PTPRG: variants seen among roughly 807,000 people sequenced by gnomAD.
PTPRG encodes receptor-type tyrosine-protein phosphatase gamma.
PTPRG carries 102 observed loss-of-function variants against 165.3 expected under a neutral mutation model. That is an observed-to-expected ratio of 0.62 (90% CI 0.53 to 0.73). The LOEUF is 0.73. PTPRG is among the 30% of genes least tolerant of loss of function. PTPRG has a pLI of 0.00. For synonymous variants in PTPRG, 675 were observed against 669.5 expected (o/e 1.01, Z -0.13); for missense variants, 1,866 against 1,861.4 (o/e 1.00, Z -0.05).
intron 2 of PTPRG, among the ~76,000 whole-genome samples, chr3:61,755,320 T>A (rs926633622): frequency 2.6e-5 from 4 of 152,132 alleles, no homozygotes; most frequent in African/African-American, 9.7e-5. Flanking sequence ...AATAGAGACC[T>A]TCTGATCGGA....
In PTPRG at chr3:62,195,977, C is replaced by T. The variant is rs1219415767; in HGVS notation, c.1327+807C>T. 1.3e-5 allele frequency among the ~76,000 whole-genome samples: 2 copies of T among 151,136 alleles called. No individual in the cohort carries two copies. Among genetic ancestry groups the T allele is most frequent in the African/African-American group, 2.4e-5 (1 of 41,196 alleles). On this transcript the variant is annotated intron_variant, in intron 10 of 29. Coordinates refer to ENST00000474889, the MANE Select transcript of PTPRG (RefSeq NM_002841.4). This position sits in a 1 kb window ranked among gnomAD's most constrained non-coding sequence, Gnocchi z 4.4. ...TAATTTTTTGTATTTTTACTAGAGA[C>T]GGGGGTTTCACCATGTTGGCCAGGC... is the stretch of plus-strand genomic sequence containing the variant.
chr3:62,168,063 T>G lies in PTPRG; in HGVS notation c.933T>G (p.Arg311=). The G allele has an allele frequency of 6.2e-7, 1 of 1,613,972 alleles. No homozygotes were observed. Among genetic ancestry groups the G allele is most frequent in the African/African-American group, 1.3e-5 (1 of 75,000 alleles). ...GAAATAACTTTCGACCACAGCAGCG[T>G]CTGCATGACAGGGTGGTGTCCAAGT... ...YLRNNFRPQQ[R]LHDRVVSKSA... is the part of the protein sequence containing the mutation. The change falls in exon 8 of 30, where the codon CGT becomes CGG. Residue 311 remains arginine, a synonymous_variant. Transcript: ENST00000474889.
At chr3:62,292,394 A>G (rs1287298558) in intron 28 of PTPRG, 27 bp from the exon 29 acceptor site, 33 of 1,600,848 alleles carry the variant, frequency 2.1e-5, no homozygotes, top group Admixed American at 1.2e-4. Context: ...TACATCTGAA[A>G]TCGTATCTTT....
In PTPRG at chr3:62,231,210, T is replaced by A; in HGVS notation, c.2289-15T>A. 2 of 1,530,272 alleles carry A rather than the reference T, an allele frequency of 1.3e-6. No homozygotes were observed. Among genetic ancestry groups the A allele is most frequent in the East Asian group, 2.4e-5 (1 of 41,788 alleles). The allele number at this position is 1,530,272 out of a possible 1,614,324, so 94.8% of individuals were successfully genotyped here. A position where few individuals can be genotyped will look rare whatever the true frequency, so the allele number is the denominator to read the frequency against. On this transcript the variant is annotated splice_polypyrimidine_tract_variant and intron_variant, in intron 13 of 29. Coordinates refer to ENST00000474889, the MANE Select transcript of PTPRG (RefSeq NM_002841.4). ...GTATTCTACACCTGTTCTCTTTTGT[T>A]TTTTGTCCATTTAGAGGGTGTAACA...
At chr3:62,257,187 A>G (rs1701556686) in intron 16 of PTPRG, among the ~76,000 whole-genome samples, 1 of 152,310 alleles carries the variant, frequency 6.6e-6, no homozygotes, top group African/African-American at 2.4e-5. Context: ...CACCAATACT[A>G]CTGTCACCTT....
At chr3:61,655,038 C>G (rs564198180) in intron 1 of PTPRG, among the ~76,000 whole-genome samples, 1 of 151,974 alleles carries the variant, frequency 6.6e-6, no homozygotes, top group Non-Finnish European at 1.5e-5. Flanking sequence ...CCACCCACCT[C>G]GGCTTCCCAA....
intron 1 of PTPRG, among the ~76,000 whole-genome samples, chr3:61,562,840 C>G (rs1341927497): frequency 6.6e-6 from 1 of 152,122 alleles, no homozygotes; most frequent in Non-Finnish European, 1.5e-5. Flanking sequence ...CTTTGCTGTT[C>G]TCCATCCCTT....
intron 2 of PTPRG, among the ~76,000 whole-genome samples, chr3:61,934,221 A>C (rs2039432253): frequency 6.6e-6 from 1 of 152,160 alleles, no homozygotes; most frequent in Admixed American, 6.5e-5. Context: ...ATATATTTTT[A>C]AATGTATTAA....
chr3:61,736,883 A>G (rs1057436840), intron 1 of PTPRG, among the ~76,000 whole-genome samples: 1 of 152,230 alleles, frequency 6.6e-6, no homozygotes, highest in Non-Finnish European at 1.5e-5. Flanking sequence ...AAAAACCATT[A>G]TATCTCAATA....
intron 2 of PTPRG, among the ~76,000 whole-genome samples, chr3:61,841,844 C>G (rs1483111387): frequency 6.6e-6 from 1 of 152,068 alleles, no homozygotes; most frequent in Non-Finnish European, 1.5e-5. Flanking sequence ...CAAAACAAAA[C>G]AAAACAGACT....
At chr3:61,681,136 G>A (rs923673019) in intron 1 of PTPRG, among the ~76,000 whole-genome samples, 1 of 150,020 alleles carries the variant, frequency 6.7e-6, no homozygotes, top group Admixed American at 6.6e-5. Context: ...CTGTGAAATA[G>A]GCAATTTAAG....
chr3:61,631,590 C>G (rs1226577117), intron 1 of PTPRG, among the ~76,000 whole-genome samples: 1 of 152,154 alleles, frequency 6.6e-6, no homozygotes, highest in Non-Finnish European at 1.5e-5. Flanking sequence ...CAGAATGTAT[C>G]CCCCTCAGAT....
intron 5 of PTPRG, among the ~76,000 whole-genome samples, chr3:62,082,771 G>C (rs1508410): frequency 0.068 from 10,420 of 152,262 alleles, 1,200 homozygotes; most frequent in African/African-American, 0.24. Context: ...AAGGAAGGAA[G>C]AACAACCTCC....
At chr3:61,617,870 A>C (rs751926086) in intron 1 of PTPRG, among the ~76,000 whole-genome samples, 3 of 152,186 alleles carry the variant, frequency 2.0e-5, no homozygotes, top group Non-Finnish European at 4.4e-5. Context: ...ATTGACTGAC[A>C]GTAAGAGCTT....
intron 4 of PTPRG, among the ~76,000 whole-genome samples, chr3:62,018,534 C>T (rs967145792): frequency 1.3e-5 from 2 of 152,192 alleles, no homozygotes; most frequent in African/African-American, 4.8e-5. Context: ...TCGAAGTCTC[C>T]AAGTTAGTCT....
At chr3:61,920,633 A>C (rs1485463561) in intron 2 of PTPRG, among the ~76,000 whole-genome samples, 1 of 152,080 alleles carries the variant, frequency 6.6e-6, no homozygotes, top group Non-Finnish European at 1.5e-5. Context: ...TGACCTCTTG[A>C]TCCGCCTGCC....
intron 2 of PTPRG, among the ~76,000 whole-genome samples, chr3:61,937,396 C>T (rs1416880755): frequency 2.6e-5 from 4 of 152,172 alleles, no homozygotes; most frequent in African/African-American, 9.7e-5. Context: ...TTTCACATCC[C>T]AGACATGGAG....
intron 28 of PTPRG, among the ~76,000 whole-genome samples, chr3:62,283,331 A>G (rs891974901): frequency 2.6e-5 from 4 of 152,122 alleles, no homozygotes; most frequent in Non-Finnish European, 5.9e-5. Context: ...AAAGTTCATG[A>G]TGTGTTTTAA....
intron 2 of PTPRG, among the ~76,000 whole-genome samples, chr3:61,810,424 T>A (rs142147594): frequency 1.3e-5 from 2 of 152,310 alleles, no homozygotes; most frequent in East Asian, 3.9e-4. Context: ...GAGAGAGGAA[T>A]GGACAAGAAC....
Sources: gnomAD v4.1 joint callset for allele counts (sites outside exome capture counted in the v4.1 genomes callset) on GRCh38, gnomAD v4.1.1 for gene constraint, Gnocchi (gnomAD v3.1) non-coding constraint, MANE v1.5 for transcripts, NCBI Gene and HGNC (gene_info 2026-07-23, HGNC 2026-07-21) for gene names.